Variants in MIEF1 observed in about 807,000 individuals in gnomAD.
MIEF1 encodes the protein mitochondrial dynamics protein MIEF1.
A neutral mutation model predicts 35.1 loss-of-function variants in MIEF1; 14 were observed. That is an observed-to-expected ratio of 0.40 (90% confidence interval 0.26 to 0.62). The LOEUF is 0.62. Ranked by LOEUF, MIEF1 falls within the 20% of genes least tolerant of loss-of-function variation. MIEF1 has a pLI of 0.43. For synonymous variants in MIEF1, 245 were observed against 254.3 expected (o/e 0.96, Z 0.35); for missense variants, 542 against 615.4 (o/e 0.88, Z 1.26).
chr22:39,517,565 T>C lies in MIEF1; in HGVS notation c.*3242T>C, dbSNP rs1030215478. On this transcript the variant is annotated 3_prime_UTR_variant, in exon 6 of 6. Transcript: ENST00000325301. ...GAGAGGCCCCGAGGTGGGAGGGTTC[T>C]GTAAATACAGACTACTGCGAGTGTC... The C allele has an allele frequency of 4.2e-6, 2 of 471,102 alleles. No homozygotes were observed. Among genetic ancestry groups the C allele is most frequent in the African/African-American group, 4.0e-5 (2 of 50,092 alleles). The allele number at this position is 471,102 out of a possible 1,614,324, so 29.2% of individuals were successfully genotyped here.
chr22:39,517,877 CCT>C lies in MIEF1; in HGVS notation c.*3555_*3556del, dbSNP rs1476696628. On this transcript the variant is annotated 3_prime_UTR_variant, in exon 6 of 6. Coordinates refer to ENST00000325301, the MANE Select transcript of MIEF1 (RefSeq NM_019008.6). The stretch of plus-strand genomic sequence containing the variant: ...CCTTGTAGTCTTTAAATTCTTGGTC[CCT>C]GAGGCCAAGTCCACAACTTGCCTTC... The C allele has an allele frequency of 4.2e-6, 1 of 239,808 alleles. No homozygotes were observed. The highest frequency in any genetic ancestry group is 2.3e-5 in the African/African-American group (1 of 43,346). 14.9% of individuals were successfully genotyped at this position (239,808 alleles called of 1,614,324 possible).
chr22:39,501,922 T>C (rs1929724846), upstream of MIEF1: 1 of 152,506 alleles, frequency 6.6e-6, no homozygotes, highest in South Asian at 2.1e-4. Context: ...ATATTAGTGT[T>C]AGAATTCCCT....
chr22:39,517,127 C>G lies in MIEF1; in HGVS notation c.*2804C>G, dbSNP rs1930713381. The stretch of plus-strand genomic sequence containing the variant: ...ACTACTCTGCCTTCCTGTTCAGTAA[C>G]TCTTACTTTTGCCTGAAGTAACAGC... On this transcript the variant is annotated 3_prime_UTR_variant, in exon 6 of 6. Transcript: ENST00000325301. The G allele has an allele frequency of 6.4e-6, 1 of 156,460 alleles. No individual in the cohort carries two copies. Among genetic ancestry groups the G allele is most frequent in the East Asian group, 1.9e-4 (1 of 5,290 alleles). 9.7% of individuals were successfully genotyped at this position (156,460 alleles called of 1,614,324 possible).
upstream of MIEF1, chr22:39,500,490 C>T (rs1004572418): frequency 6.6e-6 from 1 of 150,424 alleles, no homozygotes; most frequent in African/African-American, 2.5e-5. Flanking sequence ...ATGAAGAGGT[C>T]ATCTGGTATG....
intron 2 of MIEF1, 142 bp downstream of exon 2, chr22:39,504,676 G>A: frequency 3.1e-6 from 1 of 319,386 alleles, no homozygotes; most frequent in Non-Finnish European, 5.7e-6. Flanking sequence ...AACTCTGCAG[G>A]AGGCTGAGGC....
In MIEF1 at chr22:39,510,027, C is replaced by T. The variant is rs543799590; in HGVS notation, c.-7-1261C>T. Among the ~76,000 whole-genome samples, 24 of 151,440 alleles carry T rather than the reference C, an allele frequency of 1.6e-4. No homozygotes were observed. The South Asian group carries it at 3.1e-3, about 20-fold the overall frequency. ...AGGCTAGAGTGCAATCGTGTGATCT[C>T]GGCTCACTGCAACCTCCGCCTTCCG... On this transcript the variant is annotated intron_variant, in intron 2 of 5. Coordinates refer to ENST00000325301, the MANE Select transcript of MIEF1 (RefSeq NM_019008.6).
Position 39,515,609 on chromosome 22 carries a change from T to G in MIEF1, c.*1286T>G. ...GGGGAGGAGGTGGGCATTTCCTACA[T>G]TCCTCCTTGTTTGCCGCTGCTGAGA... is the stretch of plus-strand genomic sequence containing the variant. On this transcript the variant is annotated 3_prime_UTR_variant, in exon 6 of 6. Transcript: ENST00000325301. 1 of 495,066 alleles carries G rather than the reference T, an allele frequency of 2.0e-6. No individual in the cohort carries two copies. Among genetic ancestry groups the G allele is most frequent in the Non-Finnish European group, 3.6e-6 (1 of 279,488 alleles). 30.7% of individuals were successfully genotyped at this position (495,066 alleles called of 1,614,324 possible).
rs1179891125 is a variant in MIEF1 at position 39,514,069 on chromosome 22, C to T, written c.1138C>T (p.Leu380Phe). Residue 380 changes from leucine to phenylalanine, a missense_variant, in exon 6 of 6, where the codon CTC (leucine) becomes TTC (phenylalanine). Transcript: ENST00000325301. ...ICKSTPALGHLTASQLTNVIL... is the reference protein window; with the variant it reads ...ICKSTPALGHFTASQLTNVIL... Reference sequence around the variant, plus strand: ...CAAGTCCACCCCGGCTCTGGGCCACCTCACTGCCAGCCAGCTAACCAATGT... The same window carrying T: ...CAAGTCCACCCCGGCTCTGGGCCACTTCACTGCCAGCCAGCTAACCAATGT... 4 of 1,614,184 alleles carry T rather than the reference C, an allele frequency of 2.5e-6. No individual in the cohort carries two copies. Among genetic ancestry groups the T allele is most frequent in the Non-Finnish European group, 3.4e-6 (4 of 1,180,040 alleles).
rs777964139 is a variant in MIEF1, at chr22:39,504,419, C to G, written c.-123C>G. 2 of 398,892 alleles carry G rather than the reference C, an allele frequency of 5.0e-6. No homozygotes were observed. The highest frequency in any genetic ancestry group is 8.8e-6 in the Non-Finnish European group (2 of 226,074). The allele number at this position is 398,892 out of a possible 1,614,324, so 24.7% of individuals were successfully genotyped here. On this transcript the variant is annotated 5_prime_UTR_variant, in exon 2 of 6. Transcript: ENST00000325301. Reference sequence around the variant, plus strand: ...TGGAGAAGGGCCTGGTCTTTCTCAACGGCAAATTGGGGAGGATCATTTAGG... The same window carrying G: ...TGGAGAAGGGCCTGGTCTTTCTCAAGGGCAAATTGGGGAGGATCATTTAGG...
upstream of MIEF1, among the ~76,000 whole-genome samples, chr22:39,501,286 C>A (rs1246397624): frequency 6.6e-6 from 1 of 152,260 alleles, no homozygotes; most frequent in African/African-American, 2.4e-5. Context: ...CTGAAATGCT[C>A]TTCCCTGCAA....
At position 39,517,293 on chromosome 22, in the gene MIEF1, GC is replaced by G. The variant is rs1345523010; in HGVS notation, c.*2973del. On this transcript the variant is annotated 3_prime_UTR_variant, in exon 6 of 6. Transcript: ENST00000325301. Reference sequence around the variant, plus strand: ...GAGTTTATTTTGGTTCTCCTCTGTTGCCCTTCCTAAAAAATGAGCTGAAGAT... The same window carrying G: ...GAGTTTATTTTGGTTCTCCTCTGTTGCCTTCCTAAAAAATGAGCTGAAGAT... 1 of 223,742 alleles carries G rather than the reference GC, an allele frequency of 4.5e-6. No homozygotes were observed. The highest frequency in any genetic ancestry group is 9.2e-6 in the Non-Finnish European group (1 of 108,222). 13.9% of individuals were successfully genotyped at this position (223,742 alleles called of 1,614,324 possible). A position where few individuals can be genotyped will look rare whatever the true frequency, so the allele number is the denominator to read the frequency against.
chr22:39,502,559 G>C (rs1428789549), intron 1 of MIEF1, 122 bp downstream of exon 1: 1 of 152,206 alleles, frequency 6.6e-6, no homozygotes, highest in Non-Finnish European at 1.5e-5. Context: ...GCATGCAGCC[G>C]GGGGTCTCGC....
chr22:39,508,989 T>G (rs1930192412), intron 2 of MIEF1, among the ~76,000 whole-genome samples: 2 of 151,974 alleles, frequency 1.3e-5, no homozygotes, highest in African/African-American at 4.8e-5. Flanking sequence ...AAGATAATCC[T>G]CAGTGATCCT....
At chr22:39,510,605 C>T (rs4821905) in intron 2 of MIEF1, among the ~76,000 whole-genome samples, 8,559 of 152,264 alleles carry the variant, frequency 0.056, 296 homozygotes, top group East Asian at 0.12. Flanking sequence ...ACATCACCTC[C>T]CTATGTTGAG....
At chr22:39,510,237 C>T (rs958079712) in intron 2 of MIEF1, among the ~76,000 whole-genome samples, 25 of 152,048 alleles carry the variant, frequency 1.6e-4, no homozygotes, top group Admixed American at 1.2e-3. Context: ...GGATTACAGG[C>T]GTGAGTCACC....
chr22:39,511,191 T>G, intron 2 of MIEF1, 97 bp from the exon 3 acceptor site: 2 of 1,513,538 alleles, frequency 1.3e-6, no homozygotes, highest in South Asian at 2.5e-5. Flanking sequence ...TTGCTGGAAC[T>G]CACAGAGTAC....
At chr22:39,510,274 T>C (rs531315412) in intron 2 of MIEF1, among the ~76,000 whole-genome samples, 3 of 151,986 alleles carry the variant, frequency 2.0e-5, no homozygotes, top group Non-Finnish European at 4.4e-5. Context: ...GTTTTTTTAT[T>C]TTTATTTTTA....
rs1930589418 is a variant in MIEF1, at chr22:39,515,118, G to C, written c.*795G>C. On this transcript the variant is annotated 3_prime_UTR_variant, in exon 6 of 6. Transcript: ENST00000325301. ...TGAAGGGTTTGTGTGCCCAGTGTCT[G>C]CTCGTCATCTGTGGCTGCAGGGGTC... 1 of 625,216 alleles carries C rather than the reference G, an allele frequency of 1.6e-6. No individual in the cohort carries two copies. The highest frequency in any genetic ancestry group is 2.7e-5 in the Admixed American group (1 of 36,918). 38.7% of individuals were successfully genotyped at this position (625,216 alleles called of 1,614,324 possible).
At chr22:39,509,161 G>A (rs375326406) in intron 2 of MIEF1, among the ~76,000 whole-genome samples, 59 of 152,150 alleles carry the variant, frequency 3.9e-4, no homozygotes, top group South Asian at 6.2e-4. Flanking sequence ...TCACTATGTT[G>A]GCCAGGCTGG....
Sources: gnomAD v4.1 joint callset for allele counts (sites outside exome capture counted in the v4.1 genomes callset) on GRCh38, gnomAD v4.1.1 for gene constraint, MANE v1.5 for transcripts, NCBI Gene and HGNC (gene_info 2026-07-23, HGNC 2026-07-21) for gene names.